MCC: variants seen among roughly 807,000 people sequenced by gnomAD.
The protein encoded by MCC is colorectal mutant cancer protein.
Under a neutral mutation model 116.2 loss-of-function variants are expected in MCC, and 90 were observed. The observed-to-expected ratio is 0.77, with a 90% CI of 0.65 to 0.92. MCC has a LOEUF of 0.92. MCC is among the 40% of genes least tolerant of loss of function. MCC has a pLI of 0.00. For synonymous variants in MCC, 578 were observed against 510.5 expected (o/e 1.13, Z -1.78); for missense variants, 1,516 against 1,312.2 (o/e 1.16, Z -2.40).
chr5:113,289,752 C>T (rs1047103606), intron 3 of MCC, among the ~76,000 whole-genome samples: 11 of 152,192 alleles, frequency 7.2e-5, no homozygotes, highest in African/African-American at 2.4e-4. Context: ...GTCACTGACA[C>T]AAGTCTTCCC....
chr5:113,113,855 T>A (rs1757243613), intron 6 of MCC, among the ~76,000 whole-genome samples: 1 of 151,956 alleles, frequency 6.6e-6, no homozygotes, highest in Non-Finnish European at 1.5e-5. Context: ...CTAAATATAA[T>A]GTGTGAGCCT....
chr5:113,288,833 T>A (rs1346630835), intron 3 of MCC, among the ~76,000 whole-genome samples: 1 of 152,198 alleles, frequency 6.6e-6, no homozygotes, highest in East Asian at 1.9e-4. Context: ...AGTTTCGATA[T>A]GCTTTTCCCC....
At chr5:113,242,440 A>C (rs992576794) in intron 3 of MCC, among the ~76,000 whole-genome samples, 2 of 152,030 alleles carry the variant, frequency 1.3e-5, no homozygotes, top group Non-Finnish European at 2.9e-5. Context: ...TTCAGATAAT[A>C]AAGGACAAAA....
chr5:113,259,540 C>A (rs983506196), intron 3 of MCC, among the ~76,000 whole-genome samples: 2 of 152,086 alleles, frequency 1.3e-5, no homozygotes, highest in African/African-American at 4.8e-5. Flanking sequence ...AAGTATTTTG[C>A]TCTTAATGTG....
chr5:113,061,357 G>A (rs370339696), intron 14 of MCC, among the ~76,000 whole-genome samples: 494 of 152,352 alleles, frequency 3.2e-3, no homozygotes, highest in Middle Eastern at 0.017. Context: ...TGCACAGAAG[G>A]AGCTGAACTG....
chr5:113,202,930 T>C lies in MCC; in HGVS notation c.628-51508A>G, dbSNP rs533009593. Among the ~76,000 whole-genome samples the C allele has an allele frequency of 5.3e-5, 8 of 152,260 alleles. No individual in the cohort carries two copies. In the East Asian group the frequency reaches 1.5e-3, roughly 29 times the overall value. ...GCCTGCTCACTGCCAAGTTTAGATG[T>C]GACTTTAAATTGCACCCAATCCGGC... On this transcript the variant is annotated intron_variant, in intron 3 of 18. Transcript: ENST00000408903.
chr5:113,243,600 A>G (rs1192174740), intron 3 of MCC, among the ~76,000 whole-genome samples: 1 of 152,234 alleles, frequency 6.6e-6, no homozygotes, highest in African/African-American at 2.4e-5. Flanking sequence ...TCATTCTGCC[A>G]AATGTTGGAA....
At chr5:113,384,094 C>T (rs1487225755) in intron 2 of MCC, among the ~76,000 whole-genome samples, 1 of 152,082 alleles carries the variant, frequency 6.6e-6, no homozygotes, top group East Asian at 1.9e-4. Context: ...TATGTAAAAT[C>T]TCAAACATAC....
At chr5:113,461,397 G>A (rs145540138) in intron 1 of MCC, among the ~76,000 whole-genome samples, 58 of 152,328 alleles carry the variant, frequency 3.8e-4, no homozygotes, top group African/African-American at 1.1e-3. Context: ...ATGAAAGTGT[G>A]AAGTTTTTGC....
intron 3 of MCC, among the ~76,000 whole-genome samples, chr5:113,300,602 G>A (rs1208172168): frequency 2.0e-5 from 3 of 152,196 alleles, no homozygotes; most frequent in Admixed American, 1.3e-4. Context: ...GACTCAGGAA[G>A]TCTCAGTCCT....
At chr5:113,327,557 A>ATATATATATAT (rs1243077934) in intron 3 of MCC, among the ~76,000 whole-genome samples, 8 of 82,050 alleles carry the variant, frequency 9.8e-5, no homozygotes, top group Non-Finnish European at 1.0e-4. Context: ...AAAAAAAAAA[A>ATATATATATAT]AAAAATATAT....
At chr5:113,212,724 C>T (rs146555583) in intron 3 of MCC, among the ~76,000 whole-genome samples, 1,828 of 152,304 alleles carry the variant, frequency 0.012, 14 homozygotes, top group Middle Eastern at 0.037. Context: ...CTCCCCAACA[C>T]CTAAATACAA....
intron 3 of MCC, among the ~76,000 whole-genome samples, chr5:113,214,467 C>T (rs1441434450): frequency 1.3e-5 from 2 of 152,196 alleles, no homozygotes; most frequent in African/African-American, 4.8e-5. Context: ...TATAGGCAAA[C>T]TTGAGAATCT....
chr5:113,144,976 C>G (rs73778948), intron 4 of MCC, among the ~76,000 whole-genome samples: 8,997 of 152,048 alleles, frequency 0.059, 344 homozygotes, highest in East Asian at 0.12. Flanking sequence ...GATGCTGTAA[C>G]CAGCCACAGA....
intron 3 of MCC, among the ~76,000 whole-genome samples, chr5:113,196,291 G>A (rs1330680832): frequency 6.6e-6 from 1 of 152,204 alleles, no homozygotes; most frequent in Admixed American, 6.5e-5. Context: ...CATGACCTGG[G>A]TCACAGTCAG....
intron 1 of MCC, among the ~76,000 whole-genome samples, chr5:113,454,866 C>G (rs1321462105): frequency 6.6e-6 from 1 of 152,122 alleles, no homozygotes; most frequent in African/African-American, 2.4e-5. Flanking sequence ...ATACTACATG[C>G]ATGCACACAC....
chr5:113,274,334 A>G (rs1407892028), intron 3 of MCC, among the ~76,000 whole-genome samples: 1 of 152,138 alleles, frequency 6.6e-6, no homozygotes, highest in Non-Finnish European at 1.5e-5. Flanking sequence ...CTAAGGTGAG[A>G]TCATTTAATT....
chr5:113,409,849 T>C (rs1181192077), intron 1 of MCC, among the ~76,000 whole-genome samples: 1 of 152,216 alleles, frequency 6.6e-6, no homozygotes, highest in Non-Finnish European at 1.5e-5. Context: ...CGGTCTCACA[T>C]TTTGTGGTCA....
At chr5:113,168,045 G>A (rs1760869499) in intron 3 of MCC, among the ~76,000 whole-genome samples, 1 of 152,198 alleles carries the variant, frequency 6.6e-6, no homozygotes, top group South Asian at 2.1e-4. Context: ...GGAGGCAACA[G>A]TTGTATGTCC....
Sources: gnomAD v4.1 joint callset for allele counts (sites outside exome capture counted in the v4.1 genomes callset) on GRCh38, gnomAD v4.1.1 for gene constraint, MANE v1.5 for transcripts, NCBI Gene and HGNC (gene_info 2026-07-23, HGNC 2026-07-21) for gene names.